Variants in CDKAL1 observed in about 807,000 individuals in gnomAD.
CDKAL1 encodes threonylcarbamoyladenosine tRNA methylthiotransferase.
In CDKAL1, 32 loss-of-function variants were observed where a neutral mutation model predicts 68.2. The ratio of observed to expected loss-of-function variants is 0.47; its 90% CI spans 0.35 to 0.63. The LOEUF (loss-of-function observed/expected upper bound fraction) is 0.63. CDKAL1 is among the 30% of genes least tolerant of loss of function. The pLI, the probability that CDKAL1 is intolerant of heterozygous loss-of-function variation, is 0.00. For missense variants in CDKAL1, 606 were observed against 696.7 expected, an observed-to-expected ratio of 0.87 and a Z score of 1.47; for synonymous variants, 234 against 244.3, an observed-to-expected ratio of 0.96 and a Z score of 0.39.
chr6:20,952,194 G>A (rs1241826253), intron 9 of CDKAL1, among the ~76,000 whole-genome samples: 4 of 151,944 alleles, frequency 2.6e-5, no homozygotes, highest in Admixed American at 1.3e-4. Context: ...TCCTGACCTC[G>A]TGATCTGCCT....
At chr6:20,537,339 G>C (rs1339172399) in intron 2 of CDKAL1, among the ~76,000 whole-genome samples, 1 of 152,188 alleles carries the variant, frequency 6.6e-6, no homozygotes, top group Non-Finnish European at 1.5e-5. Flanking sequence ...GGGTGCAGTG[G>C]CTCACGCCTG....
At chr6:20,662,315 A>G (rs1769322998) in intron 5 of CDKAL1, among the ~76,000 whole-genome samples, 1 of 152,126 alleles carries the variant, frequency 6.6e-6, no homozygotes, top group Admixed American at 6.6e-5. Flanking sequence ...TAATGAAGTT[A>G]TTTAGATTGT....
chr6:20,608,332 G>A (rs1292470446), intron 4 of CDKAL1, among the ~76,000 whole-genome samples: 1 of 152,094 alleles, frequency 6.6e-6, no homozygotes, highest in Non-Finnish European at 1.5e-5. Flanking sequence ...TAAGGAAATT[G>A]AAAATTTAAG....
chr6:20,943,627 A>AC (rs1764097205), intron 9 of CDKAL1, among the ~76,000 whole-genome samples: 1 of 151,014 alleles, frequency 6.6e-6, no homozygotes, highest in Admixed American at 6.6e-5. Flanking sequence ...TAGAAGTTCC[A>AC]CTAGGTTCTT....
intron 8 of CDKAL1, among the ~76,000 whole-genome samples, chr6:20,781,712 AAAAG>A (rs1360636107): frequency 6.6e-6 from 1 of 152,230 alleles, no homozygotes; most frequent in Admixed American, 6.5e-5. Context: ...CTTTAAACTT[AAAAG>A]AAGCATCATG....
Position 21,034,275 on chromosome 6 carries a change from ACT to A in CDKAL1, c.1056-30770_1056-30769del, listed in dbSNP as rs1412800158. The stretch of plus-strand genomic sequence containing the variant: ...GGAAGATACAGAAGATGAAGACAAA[ACT>A]CTGCTGTTGCCAGATGGTCTCCATC... On this transcript the variant is annotated intron_variant, in intron 11 of 15. Transcript: ENST00000274695. Among the ~76,000 whole-genome samples, 4 of 151,988 alleles carry A rather than the reference ACT, an allele frequency of 2.6e-5. No homozygotes were observed. In the East Asian group the frequency reaches 7.7e-4, roughly 29 times the overall value.
intron 11 of CDKAL1, among the ~76,000 whole-genome samples, chr6:21,053,631 TA>T (rs1368091996): frequency 1.3e-5 from 2 of 151,982 alleles, no homozygotes; most frequent in African/African-American, 4.8e-5. Flanking sequence ...TAATATCTGT[TA>T]TTTTTTTTTT....
At chr6:20,717,766 C>T (rs1772165858) in intron 5 of CDKAL1, among the ~76,000 whole-genome samples, 1 of 152,204 alleles carries the variant, frequency 6.6e-6, no homozygotes, top group Non-Finnish European at 1.5e-5. Context: ...CCCTGGGCCA[C>T]ATAGGGCATA....
chr6:21,162,644 G>C (rs896264262), intron 13 of CDKAL1, among the ~76,000 whole-genome samples: 1 of 152,236 alleles, frequency 6.6e-6, no homozygotes, highest in Non-Finnish European at 1.5e-5. Flanking sequence ...AGTCTGGCCT[G>C]CTGGGCACAG....
intron 9 of CDKAL1, among the ~76,000 whole-genome samples, chr6:20,867,555 G>C (rs879304784): frequency 1.3e-5 from 2 of 151,248 alleles, no homozygotes; most frequent in African/African-American, 2.4e-5. Flanking sequence ...TCAGACGACT[G>C]TCAGATTAGG....
At chr6:20,544,057 T>A (rs1561912943) in intron 2 of CDKAL1, among the ~76,000 whole-genome samples, 1 of 152,090 alleles carries the variant, frequency 6.6e-6, no homozygotes, top group Non-Finnish European at 1.5e-5. Flanking sequence ...CATTTAAGTC[T>A]ATGATCCATT....
intron 15 of CDKAL1, among the ~76,000 whole-genome samples, chr6:21,209,654 ATT>A (rs1779077140): frequency 1.3e-5 from 2 of 152,154 alleles, no homozygotes; most frequent in African/African-American, 4.8e-5. Context: ...TTTATGGATA[ATT>A]TTCCCAAATC....
intron 12 of CDKAL1, among the ~76,000 whole-genome samples, chr6:21,092,254 CTT>C (rs373536956): frequency 8.5e-4 from 108 of 126,384 alleles, no homozygotes; most frequent in Non-Finnish European, 9.9e-4. Context: ...TTAACTGATT[CTT>C]TTTTTTTTTT....
chr6:20,776,784 G>GA (rs1775190929), intron 7 of CDKAL1, among the ~76,000 whole-genome samples: 1 of 152,138 alleles, frequency 6.6e-6, no homozygotes, highest in Non-Finnish European at 1.5e-5. Context: ...GTTTATTCAT[G>GA]AAAAAACTGA....
chr6:21,184,813 C>T (rs115194928), intron 13 of CDKAL1, among the ~76,000 whole-genome samples: 1 of 145,188 alleles, frequency 6.9e-6, no homozygotes, highest in South Asian at 2.2e-4. Context: ...TGCACTACCA[C>T]GTGCAGCTAA....
chr6:20,850,433 G>A (rs994248066), intron 9 of CDKAL1, among the ~76,000 whole-genome samples: 1 of 151,970 alleles, frequency 6.6e-6, no homozygotes, highest in African/African-American at 2.4e-5. Context: ...ATTCCAAATA[G>A]CATATTTATC....
chr6:20,558,676 G>A (rs574633751), intron 4 of CDKAL1: 5 of 443,618 alleles, frequency 1.1e-5, no homozygotes, highest in Non-Finnish European at 2.3e-5. Context: ...TGTTGTTGAG[G>A]AAAATAGATT....
chr6:21,169,167 A>T (rs1777273278), intron 13 of CDKAL1, among the ~76,000 whole-genome samples: 1 of 152,212 alleles, frequency 6.6e-6, no homozygotes, highest in Non-Finnish European at 1.5e-5. Context: ...TACAACTGGA[A>T]TATTTTACAA....
At chr6:20,875,601 G>T (rs956586496) in intron 9 of CDKAL1, among the ~76,000 whole-genome samples, 4 of 151,932 alleles carry the variant, frequency 2.6e-5, no homozygotes, top group African/African-American at 9.7e-5. Flanking sequence ...ATTTAATTTG[G>T]GTATATCCTT....
Sources: allele counts gnomAD v4.1 joint callset (sites outside exome capture counted in the v4.1 genomes callset), GRCh38; gene constraint gnomAD v4.1.1; transcripts MANE v1.5; gene names NCBI Gene and HGNC (gene_info 2026-07-23, HGNC 2026-07-21).